The following ACTR3C variants were observed in gnomAD, a reference collection of about 807,000 sequenced individuals.
ACTR3C encodes the protein actin related protein 3C, also known as actin-related protein 3C.
In ACTR3C, 18 loss-of-function variants were observed where a neutral mutation model predicts 26.3. The ratio of observed to expected loss-of-function variants is 0.68; its 90% CI spans 0.47 to 1.01. The LOEUF is 1.01. ACTR3C is among the 50% of genes least tolerant of loss of function. The pLI is 0.00. For synonymous variants in ACTR3C, 55 were observed against 94.5 expected, an observed-to-expected ratio of 0.58 and a Z score of 2.42; for missense variants, 184 against 250.7, an observed-to-expected ratio of 0.73 and a Z score of 1.80.
At chr7:150,015,585 GT>G in the ACTR3C span, among the ~76,000 whole-genome samples, 1 of 152,062 alleles carries the variant, frequency 6.6e-6, no homozygotes, top group African/African-American at 2.4e-5. Flanking sequence ...CTTTCTGGAG[GT>G]TTTGACATGT....
At chr7:149,901,814 T>C in the ACTR3C span, among the ~76,000 whole-genome samples, 1 of 140,480 alleles carries the variant, frequency 7.1e-6, no homozygotes, top group East Asian at 2.1e-4. Flanking sequence ...CTTGGGAGGC[T>C]GAGGCAGAAT....
At chr7:149,917,048 A>G in the ACTR3C span, among the ~76,000 whole-genome samples, 4 of 150,976 alleles carry the variant, frequency 2.6e-5, no homozygotes, top group East Asian at 7.8e-4. Flanking sequence ...CTCTCTGTAC[A>G]TACAATATAT....
the ACTR3C span, among the ~76,000 whole-genome samples, chr7:150,057,841 T>A: frequency 1.3e-5 from 2 of 152,244 alleles, no homozygotes; most frequent in African/African-American, 4.8e-5. Flanking sequence ...GGCAATTTCT[T>A]GAATCAATTT....
At chr7:150,039,355 T>G in the ACTR3C span, among the ~76,000 whole-genome samples, 433 of 116,846 alleles carry the variant, frequency 3.7e-3, no homozygotes, top group African/African-American at 0.011. Context: ...CCTCGTGGGG[T>G]TGCCTCCCCC....
intron 1 of ACTR3C, among the ~76,000 whole-genome samples, chr7:150,321,594 G>T (rs1797520250): frequency 6.6e-6 from 1 of 152,134 alleles, no homozygotes; most frequent in South Asian, 2.1e-4. Flanking sequence ...ACAAAAATTA[G>T]CCAGGTGTGG....
At chr7:150,042,073 T>G in the ACTR3C span, among the ~76,000 whole-genome samples, 15 of 68,730 alleles carry the variant, frequency 2.2e-4, no homozygotes, top group Middle Eastern at 0.015. Flanking sequence ...GGGATGAGGG[T>G]CTGGCTCTCA....
chr7:150,290,537 T>C (rs1268218345), intron 3 of ACTR3C, among the ~76,000 whole-genome samples: 2 of 151,974 alleles, frequency 1.3e-5, no homozygotes, highest in Non-Finnish European at 2.9e-5. Flanking sequence ...TGTGCCACAG[T>C]CCCCAAATGA....
chr7:149,938,182 A>G, the ACTR3C span, among the ~76,000 whole-genome samples: 2 of 152,206 alleles, frequency 1.3e-5, no homozygotes, highest in African/African-American at 4.8e-5. Flanking sequence ...CTGCTTAATC[A>G]CAGTAACACC....
intron 6 of ACTR3C, among the ~76,000 whole-genome samples, chr7:150,256,411 T>A (rs541003707): frequency 6.6e-6 from 1 of 152,382 alleles, no homozygotes; most frequent in South Asian, 2.1e-4. Flanking sequence ...GCATTCCCTT[T>A]CTCTGCAACC....
At chr7:149,932,204 C>T in the ACTR3C span, among the ~76,000 whole-genome samples, 2 of 152,032 alleles carry the variant, frequency 1.3e-5, no homozygotes, top group Non-Finnish European at 2.9e-5. Flanking sequence ...ATCTTGAAAA[C>T]AGTACCCTCC....
At chr7:150,305,465 T>C (rs2531011) in intron 1 of ACTR3C, among the ~76,000 whole-genome samples, 1 of 152,180 alleles carries the variant, frequency 6.6e-6, no homozygotes, top group East Asian at 1.9e-4. Flanking sequence ...GTCTACACTG[T>C]GCAAAGGCTG....
the ACTR3C span, among the ~76,000 whole-genome samples, chr7:149,938,338 A>C: frequency 2.0e-5 from 3 of 152,246 alleles, no homozygotes; most frequent in Non-Finnish European, 4.4e-5. Flanking sequence ...AAATTACAAA[A>C]TAGAGAAAAT....
the ACTR3C span, among the ~76,000 whole-genome samples, chr7:150,131,960 G>T: frequency 0.17 from 24,840 of 149,674 alleles, 2,065 homozygotes; most frequent in Admixed American, 0.19. Context: ...CCATGAAAGA[G>T]GACACCATGT....
At chr7:150,109,038 A>G in the ACTR3C span, among the ~76,000 whole-genome samples, 3 of 151,994 alleles carry the variant, frequency 2.0e-5, no homozygotes, top group Admixed American at 6.6e-5. Context: ...CTTAGGCCCT[A>G]AATTAACACC....
chr7:149,990,968 T>A, the ACTR3C span, among the ~76,000 whole-genome samples: 4 of 152,190 alleles, frequency 2.6e-5, no homozygotes, highest in African/African-American at 9.7e-5. Flanking sequence ...CAATGTGGAC[T>A]TATCCTGATG....
chr7:150,036,924 G>A, the ACTR3C span, among the ~76,000 whole-genome samples: 378 of 104,034 alleles, frequency 3.6e-3, 42 homozygotes, highest in Non-Finnish European at 7.1e-4. Context: ...CCCCCTCTGC[G>A]ATGGGGGTCC....
the ACTR3C span, among the ~76,000 whole-genome samples, chr7:150,020,089 A>G: frequency 6.7e-4 from 102 of 152,236 alleles, no homozygotes; most frequent in African/African-American, 2.2e-3. Flanking sequence ...CAGAGTTACA[A>G]TCACTACACA....
chr7:150,053,333 C>T, the ACTR3C span, among the ~76,000 whole-genome samples: 2 of 151,960 alleles, frequency 1.3e-5, no homozygotes, highest in African/African-American at 4.8e-5. Flanking sequence ...CCACACACTT[C>T]TTAGGGTCAG....
chr7:150,040,186 C>G, the ACTR3C span, among the ~76,000 whole-genome samples: 1 of 148,258 alleles, frequency 6.7e-6, no homozygotes, highest in Non-Finnish European at 1.5e-5. Flanking sequence ...GCTTCTTGTA[C>G]TAGCAGGGCA....
Sources: gnomAD v4.1 joint callset for allele counts (sites outside exome capture counted in the v4.1 genomes callset) on GRCh38, gnomAD v4.1.1 for gene constraint, MANE v1.5 for transcripts, NCBI Gene and HGNC (gene_info 2026-07-23, HGNC 2026-07-21) for gene names.